The following TYR variants were observed in gnomAD, a reference collection of about 807,000 sequenced individuals.
TYR encodes tyrosinase.
TYR carries 58 observed loss-of-function variants against 51.5 expected under a neutral mutation model. That is an observed-to-expected ratio of 1.13 (90% confidence interval 0.91 to 1.40). TYR has a LOEUF of 1.40. Ranked by LOEUF, TYR falls within the 40% of genes most tolerant of loss-of-function variation. TYR has a pLI of 0.00. For synonymous variants in TYR, 263 were observed against 235.2 expected (o/e 1.12, Z -1.08); for missense variants, 732 against 647.4 (o/e 1.13, Z -1.42).
At chr11:89,277,417 C>T (rs1474925736) in intron 3 of TYR, among the ~76,000 whole-genome samples, 1 of 151,628 alleles carries the variant, frequency 6.6e-6, no homozygotes, top group Non-Finnish European at 1.5e-5. Context: ...AGATGATATC[C>T]AAGAAAAATA....
intron 1 of TYR, among the ~76,000 whole-genome samples, chr11:89,180,842 A>C (rs1038823492): frequency 6.6e-5 from 10 of 152,194 alleles, no homozygotes; most frequent in Non-Finnish European, 1.3e-4. Flanking sequence ...ATTCCTTCAC[A>C]CAGCCTCTCT....
chr11:89,224,437 A>C (rs761903426), intron 2 of TYR, among the ~76,000 whole-genome samples: 1 of 152,174 alleles, frequency 6.6e-6, no homozygotes, highest in African/African-American at 2.4e-5. Context: ...ATTTAAGCCA[A>C]GTTCTACTCA....
chr11:89,194,763 T>A (rs1379846037), intron 2 of TYR, among the ~76,000 whole-genome samples: 3 of 152,202 alleles, frequency 2.0e-5, no homozygotes, highest in Admixed American at 2.0e-4. Flanking sequence ...CTTAATTATC[T>A]TTGTGTTCCA....
At chr11:89,277,830 C>T (rs184834824) in intron 3 of TYR, among the ~76,000 whole-genome samples, 90 of 151,792 alleles carry the variant, frequency 5.9e-4, no homozygotes, top group African/African-American at 2.0e-3. Flanking sequence ...CCCCCTGATG[C>T]GTGCATATCC....
chr11:89,222,645 A>G (rs1943927358), intron 2 of TYR, among the ~76,000 whole-genome samples: 1 of 152,136 alleles, frequency 6.6e-6, no homozygotes, highest in Non-Finnish European at 1.5e-5. Flanking sequence ...AGTCTGAGGC[A>G]GGAGAATCAC....
intron 3 of TYR, among the ~76,000 whole-genome samples, chr11:89,253,258 A>T (rs1222225485): frequency 6.6e-6 from 1 of 151,792 alleles, no homozygotes; most frequent in Non-Finnish European, 1.5e-5. Flanking sequence ...TTTGCCAACT[A>T]CAAATGTTAA....
At chr11:89,187,050 T>C (rs565091782) in intron 1 of TYR, among the ~76,000 whole-genome samples, 1 of 152,274 alleles carries the variant, frequency 6.6e-6, no homozygotes, top group Admixed American at 6.5e-5. Context: ...TCTGTAGTAT[T>C]TTCTTATGGC....
chr11:89,195,552 G>A (rs547797144), intron 2 of TYR, among the ~76,000 whole-genome samples: 11 of 152,048 alleles, frequency 7.2e-5, no homozygotes, highest in South Asian at 4.1e-4. Context: ...GGTGGCACAT[G>A]TCTGTAATCC....
At chr11:89,292,650 T>G (rs1198430778) in intron 4 of TYR, among the ~76,000 whole-genome samples, 1 of 152,184 alleles carries the variant, frequency 6.6e-6, no homozygotes, top group Non-Finnish European at 1.5e-5. Context: ...GATAACATTC[T>G]GATTACTACC....
At chr11:89,225,518 T>C (rs996291658) in intron 2 of TYR, among the ~76,000 whole-genome samples, 3 of 151,778 alleles carry the variant, frequency 2.0e-5, no homozygotes, top group African/African-American at 7.2e-5. Flanking sequence ...AAGCATAACA[T>C]ATATAACATT....
intron 1 of TYR, among the ~76,000 whole-genome samples, chr11:89,181,252 G>A (rs1035409816): frequency 6.6e-6 from 1 of 152,194 alleles, no homozygotes; most frequent in African/African-American, 2.4e-5. Context: ...TTGACCTCAA[G>A]TGATCTGTCC....
At chr11:89,224,462 T>G (rs1808099472) in intron 2 of TYR, among the ~76,000 whole-genome samples, 1 of 152,166 alleles carries the variant, frequency 6.6e-6, no homozygotes, top group Admixed American at 6.6e-5. Context: ...AAAAATCTTT[T>G]TTACAGCAGT....
At chr11:89,283,989 A>C (rs1944751032) in intron 3 of TYR, 1 of 151,798 alleles carries the variant, frequency 6.6e-6, no homozygotes, top group African/African-American at 2.4e-5. Flanking sequence ...GACGGCTGCC[A>C]AAACCATGCT....
At chr11:89,213,130 G>C (rs1943783850) in intron 2 of TYR, among the ~76,000 whole-genome samples, 1 of 152,140 alleles carries the variant, frequency 6.6e-6, no homozygotes, top group Non-Finnish European at 1.5e-5. Context: ...ATTGAAATAG[G>C]AAGGGAGGAA....
rs1944760836 is a variant in TYR at position 89,284,784 on chromosome 11, A to G, written c.1196A>G (p.Gln399Arg). Residue 399 changes from glutamine to arginine, a missense_variant, in exon 4 of 5, where the codon CAG becomes CGG. Physicochemically the swap from Gln to Arg is conservative, Grantham distance 43. Transcript: ENST00000263321. ...CTTTTCCTCTGCAGTATTTTTGAGC[A>G]GTGGCTCCGAAGGCACCGTCCTCTT... is the stretch of plus-strand genomic sequence containing the variant. The part of the protein sequence containing the change: ...HHAFVDSIFE[Q>R]WLRRHRPLQE... 3 of 1,611,516 alleles carry G rather than the reference A, an allele frequency of 1.9e-6. No individual in the cohort carries two copies. Among genetic ancestry groups the G allele is most frequent in the South Asian group, 2.2e-5 (2 of 91,036 alleles).
At chr11:89,183,964 G>A (rs1943334057) in intron 1 of TYR, among the ~76,000 whole-genome samples, 1 of 152,030 alleles carries the variant, frequency 6.6e-6, no homozygotes, top group Non-Finnish European at 1.5e-5. Context: ...ATTTACAGAT[G>A]AAAAAACTTA....
At chr11:89,187,448 G>A (rs1943388939) in intron 1 of TYR, among the ~76,000 whole-genome samples, 1 of 152,150 alleles carries the variant, frequency 6.6e-6, no homozygotes, top group Non-Finnish European at 1.5e-5. Context: ...ATGGGGACTT[G>A]CAGGGATAAT....
intron 3 of TYR, among the ~76,000 whole-genome samples, chr11:89,265,334 G>A (rs1413052256): frequency 6.6e-6 from 1 of 152,006 alleles, no homozygotes; most frequent in Non-Finnish European, 1.5e-5. Flanking sequence ...GCCCAAAGAG[G>A]AGCTTGCTGA....
chr11:89,228,345 G>A (rs1944002545), intron 3 of TYR, among the ~76,000 whole-genome samples: 1 of 152,138 alleles, frequency 6.6e-6, no homozygotes, highest in African/African-American at 2.4e-5. Flanking sequence ...ATAGCCATTG[G>A]CTACAGGATG....
Sources: gnomAD v4.1 joint callset for allele counts (sites outside exome capture counted in the v4.1 genomes callset) on GRCh38, gnomAD v4.1.1 for gene constraint, MANE v1.5 for transcripts, NCBI Gene and HGNC (gene_info 2026-07-23, HGNC 2026-07-21) for gene names.